Variants in IFTAP observed in about 807,000 individuals in gnomAD.
The protein encoded by IFTAP is intraflagellar transport-associated protein.
In IFTAP, 19 loss-of-function variants were observed where a neutral mutation model predicts 19.4. That is an observed-to-expected ratio of 0.98 (90% CI 0.68 to 1.44). The LOEUF (loss-of-function observed/expected upper bound fraction) is 1.44. Ranked by LOEUF, IFTAP falls within the 40% of genes most tolerant of loss-of-function variation. The probability of loss-of-function intolerance (pLI) is 0.00; values close to 1 mark genes in which losing one functional copy is unlikely to be tolerated. For synonymous variants in IFTAP, 85 were observed against 83.5 expected (o/e 1.02, Z -0.10); for missense variants, 240 against 253.6 (o/e 0.95, Z 0.36).
chr11:36,623,435 A>G (rs1852384519), intron 2 of IFTAP, among the ~76,000 whole-genome samples: 1 of 151,354 alleles, frequency 6.6e-6, no homozygotes, highest in Non-Finnish European at 1.5e-5. Flanking sequence ...ATTGTATATT[A>G]TTTAAAAGGC....
intron 4 of IFTAP, among the ~76,000 whole-genome samples, chr11:36,644,546 A>G (rs1351339732): frequency 3.3e-5 from 5 of 152,190 alleles, no homozygotes; most frequent in African/African-American, 1.2e-4. Flanking sequence ...AGACACATGC[A>G]CACGTATGTT....
At chr11:36,635,489 T>C (rs1251212198) in intron 3 of IFTAP, among the ~76,000 whole-genome samples, 1 of 152,180 alleles carries the variant, frequency 6.6e-6, no homozygotes, top group African/African-American at 2.4e-5. Context: ...TGAAGTAATT[T>C]TCAGTTTTAT....
intron 4 of IFTAP, among the ~76,000 whole-genome samples, chr11:36,647,001 T>G (rs1853513925): frequency 6.6e-6 from 1 of 152,142 alleles, no homozygotes. Context: ...AATTATATTT[T>G]TTTGTGAAGG....
At chr11:36,622,083 A>ATTTTTTTTTTTTTTTTTTTTT (rs199873596) in intron 2 of IFTAP, among the ~76,000 whole-genome samples, 4 of 138,172 alleles carry the variant, frequency 2.9e-5, no homozygotes, top group Non-Finnish European at 4.6e-5. Context: ...CTCTTGTTCT[A>ATTTTTTTTTTTTTTTTTTTTT]TTTTTTATTT....
intron 1 of IFTAP, chr11:36,597,779 T>C (rs1851333051): frequency 6.6e-6 from 1 of 152,216 alleles, no homozygotes; most frequent in Non-Finnish European, 1.5e-5. Context: ...TCTTGCACTG[T>C]TAATCAGGTT....
At chr11:36,643,213 A>G (rs546562918) in intron 4 of IFTAP, among the ~76,000 whole-genome samples, 2 of 152,376 alleles carry the variant, frequency 1.3e-5, no homozygotes, top group East Asian at 1.9e-4. Context: ...AATAACTGAC[A>G]GAGAGCCAAA....
intron 2 of IFTAP, among the ~76,000 whole-genome samples, chr11:36,628,204 G>A (rs1370231488): frequency 6.6e-6 from 1 of 150,864 alleles, no homozygotes; most frequent in Non-Finnish European, 1.5e-5. Flanking sequence ...CAGAGTTTTT[G>A]TCGGGCCCTC....
intron 5 of IFTAP, among the ~76,000 whole-genome samples, chr11:36,657,033 A>T (rs1854021671): frequency 6.6e-6 from 1 of 152,118 alleles, no homozygotes; most frequent in Non-Finnish European, 1.5e-5. Context: ...AGTATAGGGG[A>T]CACATGCAGG....
chr11:36,618,414 A>C (rs1271627037), intron 2 of IFTAP, among the ~76,000 whole-genome samples: 1 of 151,950 alleles, frequency 6.6e-6, no homozygotes, highest in Non-Finnish European at 1.5e-5. Flanking sequence ...ATATGCCAAC[A>C]GGAATGGATG....
At chr11:36,657,339 C>T (rs1448328902) in intron 5 of IFTAP, among the ~76,000 whole-genome samples, 1 of 152,152 alleles carries the variant, frequency 6.6e-6, no homozygotes, top group African/African-American at 2.4e-5. Context: ...AAGATTGTCC[C>T]ACTGTCACTT....
chr11:36,654,318 T>TATTTA (rs2133543517), intron 5 of IFTAP, among the ~76,000 whole-genome samples: 1 of 152,096 alleles, frequency 6.6e-6, no homozygotes, highest in Non-Finnish European at 1.5e-5. Context: ...CTCCTGTGAT[T>TATTTA]CTTTATTTTA....
intron 1 of IFTAP, among the ~76,000 whole-genome samples, chr11:36,597,462 CAG>C (rs1251942116): frequency 6.6e-6 from 1 of 152,182 alleles, no homozygotes; most frequent in Non-Finnish European, 1.5e-5. Context: ...TTGTAAAGGA[CAG>C]AAATATAGGA....
At chr11:36,646,911 G>T (rs565327241) in intron 4 of IFTAP, among the ~76,000 whole-genome samples, 26 of 152,232 alleles carry the variant, frequency 1.7e-4, no homozygotes, top group African/African-American at 6.3e-4. Context: ...TAGCAGAATT[G>T]CCTTCTTTGC....
intron 2 of IFTAP, among the ~76,000 whole-genome samples, chr11:36,628,571 A>T (rs1186614501): frequency 6.6e-6 from 1 of 151,312 alleles, no homozygotes; most frequent in Non-Finnish European, 1.5e-5. Flanking sequence ...CTGAGTCTTA[A>T]CTGTCTTTGT....
chr11:36,646,824 G>A (rs1453346029), intron 4 of IFTAP, among the ~76,000 whole-genome samples: 1 of 152,060 alleles, frequency 6.6e-6, no homozygotes, highest in Non-Finnish European at 1.5e-5. Flanking sequence ...TGATGAGTAT[G>A]TAAGTGTTGG....
intron 4 of IFTAP, among the ~76,000 whole-genome samples, chr11:36,645,267 CA>C (rs894482219): frequency 4.6e-5 from 7 of 152,068 alleles, no homozygotes; most frequent in Non-Finnish European, 8.8e-5. Context: ...TGACAAAATA[CA>C]GAGACAAATG....
chr11:36,652,234 G>GT (rs1247118985), intron 5 of IFTAP, among the ~76,000 whole-genome samples: 2 of 152,158 alleles, frequency 1.3e-5, no homozygotes, highest in Non-Finnish European at 2.9e-5. Context: ...TCGTTGAGCA[G>GT]TGGTTTGTAG....
At chr11:36,625,471 A>G (rs773278943) in intron 2 of IFTAP, among the ~76,000 whole-genome samples, 5 of 152,164 alleles carry the variant, frequency 3.3e-5, no homozygotes, top group South Asian at 4.1e-4. Flanking sequence ...TGAACACCTC[A>G]TAGCAATAAA....
At chr11:36,617,276 G>A (rs763555233) in intron 2 of IFTAP, among the ~76,000 whole-genome samples, 11 of 150,162 alleles carry the variant, frequency 7.3e-5, no homozygotes, top group Non-Finnish European at 1.5e-4. Flanking sequence ...ATGTCTACTT[G>A]AAAACTTAAA....
Sources: allele counts gnomAD v4.1 joint callset (sites outside exome capture counted in the v4.1 genomes callset), GRCh38; gene constraint gnomAD v4.1.1; transcripts MANE v1.5; gene names NCBI Gene and HGNC (gene_info 2026-07-23, HGNC 2026-07-21).